The following EMSY variants were observed in gnomAD, a reference collection of about 807,000 sequenced individuals.
EMSY encodes the protein BRCA2-interacting transcriptional repressor EMSY.
EMSY carries 26 observed loss-of-function variants against 134.6 expected under a neutral mutation model. That is an observed-to-expected ratio of 0.19 (90% CI 0.14 to 0.27). The LOEUF (loss-of-function observed/expected upper bound fraction) is 0.27. EMSY is among the 10% of genes least tolerant of loss of function. EMSY has a pLI of 1.00. For synonymous variants in EMSY, 579 were observed against 577.8 expected, an observed-to-expected ratio of 1.00 and a Z score of -0.03; for missense variants, 1,305 against 1,611.4, an observed-to-expected ratio of 0.81 and a Z score of 3.26.
exon 13 of EMSY, chr11:76,526,519 A>G (rs765429301): frequency 1.4e-5 from 23 of 1,613,742 alleles, no homozygotes; most frequent in Middle Eastern, 3.3e-4. Context: ...CCTTACTGCT[A>G]CAAGACCCAT....
chr11:76,541,802 C>T (rs563123585), intron 17 of EMSY, among the ~76,000 whole-genome samples: 1 of 152,288 alleles, frequency 6.6e-6, no homozygotes, highest in Non-Finnish European at 1.5e-5. Flanking sequence ...GCCTTACTTT[C>T]CTTAAAGATA....
chr11:76,506,784 C>T (rs532824245), intron 9 of EMSY, among the ~76,000 whole-genome samples: 1 of 152,182 alleles, frequency 6.6e-6, no homozygotes, highest in African/African-American at 2.4e-5. Context: ...ATCGAAAATC[C>T]CGATAAGATG....
chr11:76,467,616 AAATT>A (rs1191275955), intron 7 of EMSY, among the ~76,000 whole-genome samples: 2 of 152,234 alleles, frequency 1.3e-5, no homozygotes, highest in Non-Finnish European at 2.9e-5. Context: ...TTGAATGAGT[AAATT>A]AATTAATGAA....
intron 14 of EMSY, among the ~76,000 whole-genome samples, chr11:76,534,093 G>A (rs1487920182): frequency 2.0e-5 from 3 of 152,046 alleles, no homozygotes; most frequent in African/African-American, 7.2e-5. Context: ...ATGGTCTTTG[G>A]TAGATGCTCT....
chr11:76,529,314 T>C (rs1408031779), intron 14 of EMSY, among the ~76,000 whole-genome samples: 1 of 152,160 alleles, frequency 6.6e-6, no homozygotes, highest in East Asian at 1.9e-4. Flanking sequence ...CTTCCCATTA[T>C]CCTCTCTGGG....
At chr11:76,498,891 G>A (rs1246346286) in intron 9 of EMSY, among the ~76,000 whole-genome samples, 2 of 152,028 alleles carry the variant, frequency 1.3e-5, no homozygotes, top group Admixed American at 1.3e-4. Context: ...TACTTTTATT[G>A]TTGTATTTGA....
chr11:76,473,516 C>G, intron 8 of EMSY, among the ~76,000 whole-genome samples: 1 of 151,736 alleles, frequency 6.6e-6, no homozygotes, highest in Non-Finnish European at 1.5e-5. Flanking sequence ...ACCATGTTGC[C>G]CAGGCTGGTC....
At chr11:76,521,917 C>T (rs139763091) in intron 11 of EMSY, among the ~76,000 whole-genome samples, 10 of 151,920 alleles carry the variant, frequency 6.6e-5, no homozygotes, top group Middle Eastern at 3.4e-3. Flanking sequence ...TATAAAAAAT[C>T]AAAAAGTAAG....
rs1951221243 is a variant in EMSY, at chr11:76,536,254, T to TA, written c.2359+195_2359+196insA. Among the ~76,000 whole-genome samples, 3 of 152,228 alleles carry TA rather than the reference T, an allele frequency of 2.0e-5. No individual in the cohort carries two copies. The South Asian group carries it at 6.2e-4, about 32-fold the overall frequency. Reference sequence around the variant, plus strand: ...GTTTACTTGTTAGTTCAGTAAGATGTGCACAGGAATATTGAAGTACAGATG... The same window carrying TA: ...GTTTACTTGTTAGTTCAGTAAGATGTAGCACAGGAATATTGAAGTACAGATG... On this transcript the variant is annotated intron_variant, in intron 15 of 20. Transcript: ENST00000334736.
chr11:76,508,312 T>A (rs1950154611), intron 9 of EMSY, among the ~76,000 whole-genome samples: 1 of 151,892 alleles, frequency 6.6e-6, no homozygotes, highest in Admixed American at 6.6e-5. Flanking sequence ...CTAGGTGCAT[T>A]GTCAGTGGGT....
At chr11:76,546,426 A>G (rs1951656137) in intron 20 of EMSY, 129 bp downstream of exon 21, 2 of 1,287,638 alleles carry the variant, frequency 1.6e-6, no homozygotes, top group Non-Finnish European at 1.1e-6. Context: ...TATCTTTGAG[A>G]TGGTGTTTGA....
chr11:76,472,456 T>C (rs1369204833), intron 7 of EMSY, 108 bp from the exon 9 acceptor site: 1 of 1,074,630 alleles, frequency 9.3e-7, no homozygotes, highest in African/African-American at 1.6e-5. Context: ...GTTGAATTGC[T>C]TCTTCGTTTT....
At chr11:76,523,628 T>C (rs1006935811) in intron 12 of EMSY, among the ~76,000 whole-genome samples, 4 of 152,032 alleles carry the variant, frequency 2.6e-5, no homozygotes, top group Non-Finnish European at 5.9e-5. Context: ...GATACTGACT[T>C]AGTATTTGGC....
rs569068457 is a variant in EMSY at position 76,532,584 on chromosome 11, C to T, written c.2195-3311C>T. 2.6e-5 allele frequency among the ~76,000 whole-genome samples: 4 copies of T among 152,008 alleles called. 1 individual carries two copies. Among genetic ancestry groups the T allele is most frequent in the African/African-American group, 7.2e-5 (3 of 41,472 alleles). ...CATTTGGGAATGGGGTAGCCTAGAA[C>T]GTATTTGGGAATGGGTTCCAGATTT... On this transcript the variant is annotated intron_variant, in intron 14 of 20. Coordinates refer to ENST00000334736, the Ensembl canonical transcript of EMSY.
intron 11 of EMSY, among the ~76,000 whole-genome samples, chr11:76,517,791 G>C (rs896318413): frequency 6.6e-6 from 1 of 152,172 alleles, no homozygotes; most frequent in Admixed American, 6.5e-5. Context: ...TACATGAGTA[G>C]AGACTTTTCC....
intron 9 of EMSY, among the ~76,000 whole-genome samples, chr11:76,508,443 C>G (rs144607652): frequency 7.4e-4 from 112 of 151,660 alleles, no homozygotes; most frequent in African/African-American, 2.7e-3. Flanking sequence ...TTTGTTGTTT[C>G]ATTTATAGAG....
At chr11:76,521,251 AT>A (rs1043298411) in intron 11 of EMSY, among the ~76,000 whole-genome samples, 9 of 152,278 alleles carry the variant, frequency 5.9e-5, no homozygotes, top group Admixed American at 1.3e-4. Flanking sequence ...CAGATTATAT[AT>A]TAATAGGATT....
chr11:76,472,454 G>C (rs1948611625), intron 7 of EMSY, 110 bp from the exon 9 acceptor site: 2 of 1,048,418 alleles, frequency 1.9e-6, no homozygotes, highest in Admixed American at 5.7e-5. Context: ...CTGTTGAATT[G>C]CTTCTTCGTT....
chr11:76,458,070 A>G (rs1353831765), intron 4 of EMSY, 113 bp from the exon 6 acceptor site: 4 of 895,260 alleles, frequency 4.5e-6, no homozygotes, highest in East Asian at 2.9e-5. Flanking sequence ...AGCCTCTCCT[A>G]TTCACTCAGG....
Sources: allele counts gnomAD v4.1 joint callset (sites outside exome capture counted in the v4.1 genomes callset), GRCh38; gene constraint gnomAD v4.1.1; transcripts MANE v1.5; gene names NCBI Gene and HGNC (gene_info 2026-07-23, HGNC 2026-07-21).